DGKB: variants seen among roughly 807,000 people sequenced by gnomAD.
The protein encoded by DGKB is 90 kDa diacylglycerol kinase.
In DGKB, 67 loss-of-function variants were observed where a neutral mutation model predicts 114.3. That is an observed-to-expected ratio of 0.59 (90% confidence interval 0.48 to 0.72). The LOEUF (loss-of-function observed/expected upper bound fraction) is 0.72. Among genes scored for constraint, DGKB ranks in the 30% least tolerant of loss-of-function variants. DGKB has a pLI of 0.00. For synonymous variants in DGKB, 398 were observed against 323.1 expected, an observed-to-expected ratio of 1.23 and a Z score of -2.49; for missense variants, 907 against 975.2, an observed-to-expected ratio of 0.93 and a Z score of 0.93.
intron 1 of DGKB, among the ~76,000 whole-genome samples, chr7:14,892,048 T>C (rs561043421): frequency 2.6e-5 from 4 of 151,442 alleles, no homozygotes; most frequent in East Asian, 3.9e-4. Context: ...ATTTGTGCAA[T>C]AGAGCTATTT....
intron 4 of DGKB, among the ~76,000 whole-genome samples, chr7:14,748,781 A>G (rs1723244): frequency 0.36 from 54,179 of 152,086 alleles, 13,360 homozygotes; most frequent in African/African-American, 0.69. Context: ...ATAGCCTATC[A>G]TCAGTTTTTA....
chr7:14,443,364 T>A (rs1367111609), intron 21 of DGKB, among the ~76,000 whole-genome samples: 2 of 152,144 alleles, frequency 1.3e-5, no homozygotes, highest in Non-Finnish European at 2.9e-5. Context: ...TTATACAAGC[T>A]GCTTTTCTTC....
In DGKB at chr7:14,595,817, A is replaced by C. The variant is rs556165663; in HGVS notation, c.1433+11617T>G. Among the ~76,000 whole-genome samples, 16 of 150,778 alleles carry C rather than the reference A, an allele frequency of 1.1e-4. No individual in the cohort carries two copies. The East Asian group carries it at 3.1e-3, about 29-fold the overall frequency. On this transcript the variant is annotated intron_variant, in intron 17 of 25. Transcript: ENST00000402815. ...ATTTTCTTTTCCTCTAGAATGATTT[A>C]TTAAGATATGTTTAAATTGATGATT... is the stretch of plus-strand genomic sequence containing the variant.
chr7:14,568,328 A>G (rs956461945), intron 20 of DGKB, among the ~76,000 whole-genome samples: 17 of 152,200 alleles, frequency 1.1e-4, no homozygotes, highest in African/African-American at 3.1e-4. Context: ...AAGCATTAAA[A>G]AGAAGGAATT....
Position 14,596,762 on chromosome 7 carries a change from A to G in DGKB, c.1433+10672T>C, listed in dbSNP as rs1031893959. ...ATATAGATGCCCAATTTTTCTGGTT[A>G]ATACCAATACATATACAGGGCATGG... On this transcript the variant is annotated intron_variant, in intron 17 of 25. Coordinates refer to ENST00000402815, the MANE Select transcript of DGKB (RefSeq NM_001350709.2). Among the ~76,000 whole-genome samples the G allele has an allele frequency of 5.3e-5, 8 of 152,152 alleles. 1 individual carries two copies. Among genetic ancestry groups the G allele is most frequent in the Non-Finnish European group, 1.2e-4 (8 of 68,026 alleles).
At chr7:14,205,759 T>C (rs1337694795) in intron 23 of DGKB, among the ~76,000 whole-genome samples, 1 of 152,038 alleles carries the variant, frequency 6.6e-6, no homozygotes, top group Non-Finnish European at 1.5e-5. Context: ...TCTCTCATTC[T>C]CAACTGCTTC....
intron 2 of DGKB, among the ~76,000 whole-genome samples, chr7:14,775,598 G>A (rs1203920357): frequency 6.6e-6 from 1 of 151,912 alleles, no homozygotes; most frequent in Admixed American, 6.6e-5. Flanking sequence ...GTGATAGTGG[G>A]TGAGTTCTCA....
intron 21 of DGKB, among the ~76,000 whole-genome samples, chr7:14,386,649 A>G (rs1375931047): frequency 6.6e-6 from 1 of 152,214 alleles, no homozygotes; most frequent in Non-Finnish European, 1.5e-5. Flanking sequence ...TGCTGCCCTC[A>G]GTCTACAGTA....
intron 23 of DGKB, among the ~76,000 whole-genome samples, chr7:14,182,694 CAT>C (rs1782817471): frequency 6.6e-6 from 1 of 152,072 alleles, no homozygotes; most frequent in African/African-American, 2.4e-5. Flanking sequence ...GTCAGGGGCA[CAT>C]ATAGATTAGA....
chr7:14,228,714 G>C (rs1791223111), intron 23 of DGKB, among the ~76,000 whole-genome samples: 1 of 151,952 alleles, frequency 6.6e-6, no homozygotes, highest in Admixed American at 6.6e-5. Flanking sequence ...TCAATCATGA[G>C]AGAAATTAAC....
At chr7:14,563,840 C>T (rs1477532794) in intron 20 of DGKB, among the ~76,000 whole-genome samples, 15 of 152,108 alleles carry the variant, frequency 9.9e-5, no homozygotes, top group Admixed American at 9.8e-4. Flanking sequence ...GTGAAATATT[C>T]TGGGGTCTTC....
At chr7:14,283,720 A>C (rs1800351265) in intron 23 of DGKB, among the ~76,000 whole-genome samples, 1 of 152,122 alleles carries the variant, frequency 6.6e-6, no homozygotes, top group Non-Finnish European at 1.5e-5. Flanking sequence ...CATATCTACA[A>C]CTATCTGATG....
chr7:14,697,477 C>A (rs777366910), intron 8 of DGKB, among the ~76,000 whole-genome samples: 2 of 152,016 alleles, frequency 1.3e-5, no homozygotes, highest in African/African-American at 2.4e-5. Flanking sequence ...GTATGTAAGA[C>A]CACCATTCAA....
intron 23 of DGKB, among the ~76,000 whole-genome samples, chr7:14,262,540 T>A (rs1465518966): frequency 6.6e-6 from 1 of 152,124 alleles, no homozygotes. Flanking sequence ...GAGAAATAAA[T>A]TATGCTGTTT....
At chr7:14,405,591 T>C (rs1823810899) in intron 21 of DGKB, among the ~76,000 whole-genome samples, 1 of 152,054 alleles carries the variant, frequency 6.6e-6, no homozygotes, top group African/African-American at 2.4e-5. Context: ...GTGTTGAGGA[T>C]GCAGAAACAA....
rs1399399466 is a variant in DGKB, at chr7:14,145,495, G to C, written c.*3636C>G. 6.7e-6 allele frequency: 1 copy of C among 148,876 alleles called. No homozygotes were observed. The highest frequency in any genetic ancestry group is 1.5e-5 in the Non-Finnish European group (1 of 67,756). 9.2% of individuals were successfully genotyped at this position (148,876 alleles called of 1,614,324 possible). On this transcript the variant is annotated 3_prime_UTR_variant, in exon 26 of 26. Transcript: ENST00000402815. Reference sequence around the variant, plus strand: ...TTTTTTTGAGACAGAGTCTGGCTCTGTCACCCAGGCTGGAGTGCAGTGGTG... The same window carrying C: ...TTTTTTTGAGACAGAGTCTGGCTCTCTCACCCAGGCTGGAGTGCAGTGGTG...
intron 2 of DGKB, among the ~76,000 whole-genome samples, chr7:14,776,138 G>A (rs1483573385): frequency 6.6e-6 from 1 of 152,138 alleles, no homozygotes; most frequent in African/African-American, 2.4e-5. Flanking sequence ...CCCTGCTGTA[G>A]ATACCTGTGG....
At chr7:14,574,137 T>G in intron 20 of DGKB, 75 bp downstream of exon 20, 1 of 1,168,256 alleles carries the variant, frequency 8.6e-7, no homozygotes, top group Non-Finnish European at 1.2e-6. Context: ...ATCAGTAAAT[T>G]TTCATAGTTT....
At chr7:14,168,510 C>T (rs1443295314) in intron 25 of DGKB, among the ~76,000 whole-genome samples, 1 of 152,034 alleles carries the variant, frequency 6.6e-6, no homozygotes, top group Non-Finnish European at 1.5e-5. Flanking sequence ...CCAGACTCAT[C>T]AAAGTCCAAC....
Sources: gnomAD v4.1 joint callset for allele counts (sites outside exome capture counted in the v4.1 genomes callset) on GRCh38, gnomAD v4.1.1 for gene constraint, MANE v1.5 for transcripts, NCBI Gene and HGNC (gene_info 2026-07-23, HGNC 2026-07-21) for gene names.